Variants in KCNIP4 observed in about 807,000 individuals in gnomAD.
The protein encoded by KCNIP4 is Kv channel-interacting protein 4.
Under a neutral mutation model 34.0 loss-of-function variants are expected in KCNIP4, and 12 were observed. The observed-to-expected ratio is 0.35, with a 90% CI of 0.23 to 0.57. The LOEUF (loss-of-function observed/expected upper bound fraction) is 0.57. KCNIP4 is among the 20% of genes least tolerant of loss of function. The probability of loss-of-function intolerance (pLI) is 0.83; values close to 1 mark genes in which losing one functional copy is unlikely to be tolerated. For synonymous variants in KCNIP4, 124 were observed against 102.2 expected, an observed-to-expected ratio of 1.21 and a Z score of -1.29; for missense variants, 238 against 311.7, an observed-to-expected ratio of 0.76 and a Z score of 1.78.
chr4:21,152,026 G>T (rs755575709), intron 1 of KCNIP4, among the ~76,000 whole-genome samples: 1 of 152,160 alleles, frequency 6.6e-6, no homozygotes. Flanking sequence ...GCAGAGATGG[G>T]CAGATCACTT....
intron 1 of KCNIP4, among the ~76,000 whole-genome samples, chr4:21,168,508 A>G (rs1394164398): frequency 6.6e-6 from 1 of 152,210 alleles, no homozygotes; most frequent in African/African-American, 2.4e-5. Flanking sequence ...AGGCTATGGA[A>G]ATGGATATGC....
intron 1 of KCNIP4, among the ~76,000 whole-genome samples, chr4:21,708,049 A>G (rs187466857): frequency 6.6e-6 from 1 of 152,206 alleles, no homozygotes; most frequent in East Asian, 1.9e-4. Context: ...GGTCATTTAG[A>G]ATAAGGAACT....
intron 1 of KCNIP4, among the ~76,000 whole-genome samples, chr4:21,820,326 CATATATACACAT>C (rs1722280212): frequency 8.1e-6 from 1 of 122,994 alleles, no homozygotes; most frequent in African/African-American, 3.8e-5. Flanking sequence ...TATATATATA[CATATATACACAT>C]ACACACACAC....
At chr4:21,750,644 A>T (rs1308007731) in intron 1 of KCNIP4, among the ~76,000 whole-genome samples, 2 of 152,220 alleles carry the variant, frequency 1.3e-5, no homozygotes, top group African/African-American at 4.8e-5. Flanking sequence ...AGTAGTTTTT[A>T]TATATATCAT....
At chr4:21,417,634 T>A (rs1174868704) in intron 1 of KCNIP4, among the ~76,000 whole-genome samples, 1 of 152,130 alleles carries the variant, frequency 6.6e-6, no homozygotes, top group Non-Finnish European at 1.5e-5. Context: ...GCCCACCCGA[T>A]GTTTGTTACT....
chr4:21,275,232 T>TA (rs1167479312), intron 1 of KCNIP4, among the ~76,000 whole-genome samples: 2 of 152,180 alleles, frequency 1.3e-5, no homozygotes, highest in African/African-American at 2.4e-5. Context: ...TCTGGACTCT[T>TA]ACAGCTGTGA....
intron 3 of KCNIP4, among the ~76,000 whole-genome samples, chr4:20,846,634 C>G (rs906202473): frequency 6.6e-5 from 10 of 152,000 alleles, no homozygotes; most frequent in African/African-American, 2.4e-4. Context: ...AATAAGACCT[C>G]TTACCTCTCT....
At chr4:21,535,388 T>C (rs1737069318) in intron 1 of KCNIP4, among the ~76,000 whole-genome samples, 2 of 152,178 alleles carry the variant, frequency 1.3e-5, no homozygotes. Context: ...TAGAAAGGTG[T>C]GTTTCACTGG....
Position 21,762,059 on chromosome 4 carries a change from C to G in KCNIP4, c.61+186512G>C, listed in dbSNP as rs1718094012. On this transcript the variant is annotated intron_variant, in intron 1 of 8. Transcript: ENST00000382152. Reference sequence around the variant, plus strand: ...AGTGGAAATATTACAATGACACTTTCTAACAAAAATATAATATGTGCCACA... The same window carrying G: ...AGTGGAAATATTACAATGACACTTTGTAACAAAAATATAATATGTGCCACA... Among the ~76,000 whole-genome samples the G allele has an allele frequency of 2.6e-5, 4 of 152,204 alleles. No individual in the cohort carries two copies. The South Asian group carries it at 6.2e-4, about 24-fold the overall frequency.
intron 1 of KCNIP4, among the ~76,000 whole-genome samples, chr4:20,994,489 T>G (rs999406978): frequency 6.6e-6 from 1 of 152,164 alleles, no homozygotes; most frequent in Non-Finnish European, 1.5e-5. Flanking sequence ...GAAAGGACTT[T>G]GAGGAAAGTA....
intron 1 of KCNIP4, among the ~76,000 whole-genome samples, chr4:21,198,262 GA>G (rs1756200729): frequency 6.6e-6 from 1 of 152,082 alleles, no homozygotes; most frequent in African/African-American, 2.4e-5. Context: ...AACACTGTTA[GA>G]AAAAAATTTT....
intron 1 of KCNIP4, among the ~76,000 whole-genome samples, chr4:21,229,315 T>C (rs1758631006): frequency 6.6e-6 from 1 of 152,186 alleles, no homozygotes; most frequent in South Asian, 2.1e-4. Context: ...TAATTCCCAA[T>C]GTATTTCATT....
rs1326636408 is a variant in KCNIP4, at chr4:21,889,608, A to G, written c.61+58963T>C. ...GAGTGACATTTGAGCTGATAGCTTA[A>G]GTACGAAAAGGGTTTCAATTTGTGA... is the stretch of plus-strand genomic sequence containing the variant. On this transcript the variant is annotated intron_variant, in intron 1 of 8. Coordinates refer to ENST00000382152, the MANE Select transcript of KCNIP4 (RefSeq NM_025221.6). Among the ~76,000 whole-genome samples, 2 of 152,134 alleles carry G rather than the reference A, an allele frequency of 1.3e-5. 1 individual carries two copies. The highest frequency in any genetic ancestry group is 2.9e-5 in the Non-Finnish European group (2 of 68,006).
intron 1 of KCNIP4, chr4:20,984,085 G>T (rs1221984843): frequency 2.6e-6 from 3 of 1,158,246 alleles, no homozygotes; most frequent in Non-Finnish European, 3.5e-6. Context: ...GCCCCCCGGG[G>T]TGAGGACAGA....
At chr4:20,754,730 G>C (rs907858525) in intron 4 of KCNIP4, among the ~76,000 whole-genome samples, 4 of 152,092 alleles carry the variant, frequency 2.6e-5, no homozygotes, top group Non-Finnish European at 5.9e-5. Context: ...TTTGTGATAG[G>C]AATCCTTTGC....
chr4:20,741,491 G>A (rs1560420592), intron 5 of KCNIP4, among the ~76,000 whole-genome samples: 2 of 152,114 alleles, frequency 1.3e-5, no homozygotes, highest in Admixed American at 6.5e-5. Flanking sequence ...ATGAAATGAA[G>A]GCAGAAATAA....
chr4:21,127,913 A>G (rs1679253509), intron 1 of KCNIP4, among the ~76,000 whole-genome samples: 1 of 152,238 alleles, frequency 6.6e-6, no homozygotes, highest in Non-Finnish European at 1.5e-5. Context: ...TTGGAGCCAA[A>G]AAGTTCATTA....
At chr4:21,082,911 C>CTATA (rs1240692968) in intron 1 of KCNIP4, among the ~76,000 whole-genome samples, 11 of 149,778 alleles carry the variant, frequency 7.3e-5, no homozygotes, top group African/African-American at 2.5e-4. Flanking sequence ...ATCTATCTAT[C>CTATA]TAAAATTTAT....
At chr4:20,769,981 A>C (rs1446276534) in intron 3 of KCNIP4, among the ~76,000 whole-genome samples, 1 of 152,216 alleles carries the variant, frequency 6.6e-6, no homozygotes, top group African/African-American at 2.4e-5. Flanking sequence ...AACTGCCCTG[A>C]GACTTTAATT....
Sources: gnomAD v4.1 joint callset for allele counts (sites outside exome capture counted in the v4.1 genomes callset) on GRCh38, gnomAD v4.1.1 for gene constraint, MANE v1.5 for transcripts, NCBI Gene and HGNC (gene_info 2026-07-23, HGNC 2026-07-21) for gene names.